COPB2: variants seen among roughly 807,000 people sequenced by gnomAD.
COPB2 encodes coatomer subunit beta'.
A neutral mutation model predicts 120.8 loss-of-function variants in COPB2; 16 were observed. That is an observed-to-expected ratio of 0.13 (90% CI 0.09 to 0.20). COPB2 has a LOEUF of 0.20. COPB2 is among the 10% of genes least tolerant of loss of function. COPB2 has a pLI of 1.00. For synonymous variants in COPB2, 332 were observed against 366.3 expected (o/e 0.91, Z 1.07); for missense variants, 794 against 1,076.5 (o/e 0.74, Z 3.67).
At chr3:139,368,314 A>C (rs1941558332) in intron 12 of COPB2, 26 bp from the exon 13 acceptor site, 1 of 1,596,208 alleles carries the variant, frequency 6.3e-7, no homozygotes, top group African/African-American at 1.4e-5. Flanking sequence ...ATCATAGACA[A>C]CTGATTTGGA....
intron 1 of COPB2, among the ~76,000 whole-genome samples, chr3:139,387,589 T>A (rs1941947677): frequency 1.3e-5 from 2 of 152,224 alleles, no homozygotes; most frequent in South Asian, 4.1e-4. Context: ...ACATCTTTTC[T>A]TGCTTTCTAG....
intron 17 of COPB2, among the ~76,000 whole-genome samples, chr3:139,359,952 A>C (rs991605928): frequency 3.9e-5 from 6 of 152,192 alleles, no homozygotes; most frequent in African/African-American, 1.4e-4. Flanking sequence ...AATAACTTAC[A>C]TAGGAATGTT....
Position 139,358,278 on chromosome 3 carries a change from C to G in COPB2, c.2554-7G>C, listed in dbSNP as rs758459983. ...CAGGTTTCCCATCAAGTTCCTGAAA[C>G]CACAAGTGAAGATATATATGAAGAC... On this transcript the variant is annotated splice_region_variant and splice_polypyrimidine_tract_variant and intron_variant, in intron 20 of 21. Coordinates refer to ENST00000333188, the MANE Select transcript of COPB2 (RefSeq NM_004766.3). 5.0e-6 allele frequency: 8 copies of G among 1,612,114 alleles called. No homozygotes were observed. Among genetic ancestry groups the G allele is most frequent in the Non-Finnish European group, 5.1e-6 (6 of 1,178,238 alleles).
chr3:139,358,856 C>T (rs1395347082), intron 19 of COPB2, 44 bp from the exon 20 acceptor site: 1 of 1,570,714 alleles, frequency 6.4e-7, no homozygotes, highest in South Asian at 1.1e-5. Flanking sequence ...ATTCTGAAAT[C>T]ATAATTTACC....
At position 139,369,244 on chromosome 3, in the gene COPB2, A is replaced by G; in HGVS notation, c.1401+17T>C. Reference sequence around the variant, plus strand: ...AAAAATAAATATTCCAAAAACAACAATGGAGGGGAAACTCACATGTTTGGG... The same window carrying G: ...AAAAATAAATATTCCAAAAACAACAGTGGAGGGGAAACTCACATGTTTGGG... On this transcript the variant is annotated intron_variant, in intron 12 of 21. Transcript: ENST00000333188. 6.3e-7 allele frequency: 1 copy of G among 1,589,960 alleles called. No homozygotes were observed. The highest frequency in any genetic ancestry group is 1.1e-5 in the South Asian group (1 of 88,186).
chr3:139,366,838 G>T (rs139834235), intron 14 of COPB2, 63 bp from the exon 15 acceptor site: 4 of 1,542,732 alleles, frequency 2.6e-6, no homozygotes, highest in African/African-American at 1.4e-5. Flanking sequence ...CACACACCCC[G>T]CCAATCTCCC....
In COPB2 at chr3:139,375,362, GTTA is replaced by G. The variant is rs1228780885; in HGVS notation, c.651+103_651+105del. On this transcript the variant is annotated intron_variant, in intron 6 of 21. Transcript: ENST00000333188. ...TTAGGTGCAAATACTGATACCTTAA[GTTA>G]TTATGCTGTGAACAGTTTTCAACAA... 5.3e-6 allele frequency: 6 copies of G among 1,131,050 alleles called. No homozygotes were observed. The South Asian group carries it at 7.7e-5, about 15-fold the overall frequency. The allele number at this position is 1,131,050 out of a possible 1,614,324, so 70.1% of individuals were successfully genotyped here.
At chr3:139,389,434 C>CG in intron 1 of COPB2, 114 bp downstream of exon 1, 1 of 1,360,274 alleles carries the variant, frequency 7.4e-7, no homozygotes, top group African/African-American at 1.5e-5. Flanking sequence ...AGGCCTGAGG[C>CG]GGCGGCCGCA....
intron 13 of COPB2, among the ~76,000 whole-genome samples, chr3:139,367,929 T>G (rs1941548974): frequency 6.6e-6 from 1 of 152,230 alleles, no homozygotes; most frequent in South Asian, 2.1e-4. Context: ...TCTAAAGAAT[T>G]CTTAAAATCA....
intron 1 of COPB2, among the ~76,000 whole-genome samples, chr3:139,384,611 G>C (rs1416593879): frequency 6.6e-6 from 1 of 152,194 alleles, no homozygotes; most frequent in African/African-American, 2.4e-5. Flanking sequence ...AGACAACTAC[G>C]ATACTTCGGT....
intron 16 of COPB2, among the ~76,000 whole-genome samples, chr3:139,361,947 G>C (rs1031554329): frequency 6.6e-6 from 1 of 152,188 alleles, no homozygotes; most frequent in African/African-American, 2.4e-5. Context: ...GCTGCTGAAG[G>C]TGAGTGCCAC....
At chr3:139,389,652 A>G, upstream of COPB2, 1 of 1,259,414 alleles carries the variant, frequency 7.9e-7, no homozygotes, top group South Asian at 1.5e-5. Flanking sequence ...CTGACGTGGA[A>G]CTTCCGGGAG....
At position 139,375,585 on chromosome 3, in the gene COPB2, G is replaced by A; in HGVS notation, c.534C>T (p.Asn178=). The A allele has an allele frequency of 1.9e-6, 3 of 1,614,038 alleles. No homozygotes were observed. The highest frequency in any genetic ancestry group is 2.5e-6 in the Non-Finnish European group (3 of 1,179,940). The stretch of plus-strand genomic sequence containing the variant: ...CTTTCTCATGTCCTTCCAAAGTGAA[G>A]TTTGGTGACGAAGAGCCCAACTGCC... The part of the protein sequence containing the change: ...KVWQLGSSSP[N]FTLEGHEKGV... Residue 178 remains asparagine, a synonymous_variant, in exon 6 of 22, where the codon AAC becomes AAT. Coordinates refer to ENST00000333188, the MANE Select transcript of COPB2 (RefSeq NM_004766.3).
intron 2 of COPB2, chr3:139,380,838 G>C (rs765128197): frequency 1.3e-5 from 2 of 152,084 alleles, no homozygotes; most frequent in African/African-American, 4.8e-5. Context: ...CACAACATGC[G>C]ATCTATAACA....
rs551232433 is a variant in COPB2, at chr3:139,378,283, C to A, written c.356-94G>T. 3.2e-5 allele frequency: 37 copies of A among 1,145,170 alleles called. 1 individual carries two copies. In the South Asian group the frequency reaches 8.3e-4, roughly 26 times the overall value. The allele number at this position is 1,145,170 out of a possible 1,614,324, so 70.9% of individuals were successfully genotyped here. ...TTAGAAGAAGCAAACCTAACACAAA[C>A]CATATAATCCATGACTTACAGAAAT... On this transcript the variant is annotated intron_variant, in intron 4 of 21. Transcript: ENST00000333188.
chr3:139,374,601 C>A lies in COPB2; in HGVS notation c.652-13G>T, dbSNP rs774360474. 3.7e-6 allele frequency: 6 copies of A among 1,601,704 alleles called. No homozygotes were observed. In the South Asian group the frequency reaches 5.5e-5, roughly 15 times the overall value. ...CACATGTTTTATTCTGTAATTAAGA[C>A]ATAGAAAACATGTTTTATTAATGAA... On this transcript the variant is annotated splice_polypyrimidine_tract_variant and intron_variant, in intron 6 of 21. Transcript: ENST00000333188.
In COPB2 at chr3:139,359,019, G is replaced by A. The variant is rs1941355864; in HGVS notation, c.2463C>T (p.Ala821=). Residue 821 remains alanine, a synonymous_variant, in exon 19 of 22, where the codon GCC becomes GCT. Transcript: ENST00000333188. The part of the protein sequence containing the change: ...VKETHADLWP[A]KQYPLVTPNE... ...TCACCGTGACAAGTGGGTATTGTTTGGCTGGCCACAGATCAGCATGTGTTT... is the reference window on the plus strand; with the variant it reads ...TCACCGTGACAAGTGGGTATTGTTTAGCTGGCCACAGATCAGCATGTGTTT... The A allele has an allele frequency of 6.2e-7, 1 of 1,612,638 alleles. No homozygotes were observed. The highest frequency in any genetic ancestry group is 1.1e-5 in the South Asian group (1 of 90,770).
At chr3:139,368,410 CA>C in intron 12 of COPB2, 122 bp from the exon 13 acceptor site, 1 of 1,037,086 alleles carries the variant, frequency 9.6e-7, no homozygotes, top group Non-Finnish European at 1.4e-6. Flanking sequence ...ATTCACTTAA[CA>C]ATTTTATGTG....
Position 139,379,098 on chromosome 3 carries a change from T to A in COPB2, c.304A>T (p.Ile102Phe). 2 of 1,612,894 alleles carry A rather than the reference T, an allele frequency of 1.2e-6. No individual in the cohort carries two copies. Among genetic ancestry groups the A allele is most frequent in the Non-Finnish European group, 1.7e-6 (2 of 1,179,676 alleles). ...VHMFEAHSDY[I>F]RCIAVHPTQP... ...GTTGGATGAACAGCAATACAGCGAA[T>A]GTAGTCTGAGTGTGCTTCAAACATA... is the stretch of plus-strand genomic sequence containing the variant. Residue 102 changes from isoleucine to phenylalanine, a missense_variant, in exon 4 of 22, where the codon ATT becomes TTT. Physicochemically the swap from Ile to Phe is conservative, Grantham distance 21 (BLOSUM62 0). This residue lies in a region of COPB2 where 610 missense variants were observed against 866.7 expected (regional missense o/e 0.70). Coordinates refer to ENST00000333188, the MANE Select transcript of COPB2 (RefSeq NM_004766.3).
Sources: allele counts gnomAD v4.1 joint callset (sites outside exome capture counted in the v4.1 genomes callset), GRCh38; gene constraint gnomAD v4.1.1; regional missense constraint gnomAD v4.1.1; transcripts MANE v1.5; gene names NCBI Gene and HGNC (gene_info 2026-07-23, HGNC 2026-07-21).